CEP295NL: variants seen among roughly 807,000 people sequenced by gnomAD.
CEP295NL encodes protein DDC8 homolog.
CEP295NL carries 3 observed loss-of-function variants against 4.6 expected under a neutral mutation model. That is an observed-to-expected ratio of 0.65 (90% confidence interval 0.30 to 1.69). The LOEUF (loss-of-function observed/expected upper bound fraction) is 1.69. CEP295NL is among the 40% of genes most tolerant of loss of function. The pLI, the probability that CEP295NL is intolerant of heterozygous loss-of-function variation, is 0.10. For synonymous variants in CEP295NL, 295 were observed against 312.2 expected, an observed-to-expected ratio of 0.94 and a Z score of 0.58; for missense variants, 719 against 769.0, an observed-to-expected ratio of 0.93 and a Z score of 0.77.
intron 2 of CEP295NL, among the ~76,000 whole-genome samples, chr17:78,893,736 C>T (rs2069955496): frequency 6.6e-6 from 1 of 152,034 alleles, no homozygotes; most frequent in Non-Finnish European, 1.5e-5. Context: ...CTGGTGTTAG[C>T]TCTCTCTTCA....
At chr17:78,893,441 G>T (rs1416755517) in intron 2 of CEP295NL, among the ~76,000 whole-genome samples, 1 of 148,278 alleles carries the variant, frequency 6.7e-6, no homozygotes, top group African/African-American at 2.5e-5. Flanking sequence ...GGGTGTGTGC[G>T]TGGGGCTGTG....
chr17:78,902,070 C>T, intron 1 of CEP295NL, 144 bp from the exon 2 acceptor site: 1 of 505,706 alleles, frequency 2.0e-6, no homozygotes, highest in Non-Finnish European at 3.5e-6. Flanking sequence ...TTCTCCCCAA[C>T]TCTTAGCCAC....
rs1367541001 is a variant in CEP295NL at position 78,901,906 on chromosome 17, T to C, written c.-78A>G. 1 of 632,620 alleles carries C rather than the reference T, an allele frequency of 1.6e-6. No homozygotes were observed. The highest frequency in any genetic ancestry group is 2.7e-5 in the Admixed American group (1 of 37,034). The allele number at this position is 632,620 out of a possible 1,614,324, so 39.2% of individuals were successfully genotyped here. On this transcript the variant is annotated 5_prime_UTR_variant, in exon 2 of 3. Transcript: ENST00000322630. ...TCTTGAAATCACTGGGCTGACTTTG[T>C]AGGTAGTGAGACGCCCATCACTGGA... is the stretch of plus-strand genomic sequence containing the variant.
At chr17:78,898,844 T>A (rs1349639872) in intron 2 of CEP295NL, 1 of 152,242 alleles carries the variant, frequency 6.6e-6, no homozygotes, top group Non-Finnish European at 1.5e-5. Flanking sequence ...TTCATGCAAT[T>A]CTCTTGCCTC....
In CEP295NL at chr17:78,891,726, CA is replaced by C; in HGVS notation, c.777del (p.Val260TrpfsTer33). ...DLERSNPLVA[A>X]VGEIGLVEEK... is the part of the protein sequence containing the mutation. ...TCCTCCACAAGCCCGATTTCTCCCACAGCAGCCACGAGTGGGTTTGACCTTT... is the reference window on the plus strand; with the variant it reads ...TCCTCCACAAGCCCGATTTCTCCCACGCAGCCACGAGTGGGTTTGACCTTT... On this transcript the variant is annotated frameshift_variant, in exon 3 of 3. Coordinates refer to ENST00000322630, the MANE Select transcript of CEP295NL (RefSeq NM_001243540.2). LOFTEE classifies it low-confidence loss of function (END_TRUNC). The surrounding 1 kb of genome is among the most constrained non-coding windows in gnomAD (Gnocchi z 4.5). 1 of 1,551,232 alleles carries C rather than the reference CA, an allele frequency of 6.4e-7. No individual in the cohort carries two copies. The highest frequency in any genetic ancestry group is 8.7e-7 in the Non-Finnish European group (1 of 1,147,130).
At chr17:78,899,383 T>C (rs2070054241) in intron 2 of CEP295NL, 1 of 152,448 alleles carries the variant, frequency 6.6e-6, no homozygotes, top group Non-Finnish European at 1.5e-5. Context: ...CCCCATGTGA[T>C]TCCCTGCTGT....
intron 2 of CEP295NL, among the ~76,000 whole-genome samples, chr17:78,894,642 T>C (rs60013081): frequency 0.012 from 1,836 of 152,224 alleles, 29 homozygotes; most frequent in African/African-American, 0.042. Context: ...TCTCACCCTA[T>C]ATACAAAAAT....
In CEP295NL at chr17:78,891,157, T is replaced by G. The variant is rs2069886058; in HGVS notation, c.1347A>C (p.Thr449=). The change falls in exon 3 of 3, where the codon ACA becomes ACC. Residue 449 remains threonine, a synonymous_variant. Transcript: ENST00000322630. This position sits in a 1 kb window ranked among gnomAD's most constrained non-coding sequence, Gnocchi z 4.5. ...VKPTFRNGSQ[T]LSPEAGIFIN... Reference sequence around the variant, plus strand: ...TAAATATACCTGCCTCGGGAGACAATGTTTGACTTCCATTTCTAAACGTGG... The same window carrying G: ...TAAATATACCTGCCTCGGGAGACAAGGTTTGACTTCCATTTCTAAACGTGG... The G allele has an allele frequency of 1.9e-6, 3 of 1,550,576 alleles. No homozygotes were observed. Among genetic ancestry groups the G allele is most frequent in the South Asian group, 2.4e-5 (2 of 84,070 alleles).
intron 2 of CEP295NL, among the ~76,000 whole-genome samples, chr17:78,893,845 A>G (rs1437170205): frequency 1.3e-5 from 2 of 152,040 alleles, no homozygotes; most frequent in Non-Finnish European, 2.9e-5. Flanking sequence ...CCTTCCTAGG[A>G]AAGGAGGGGC....
intron 2 of CEP295NL, 133 bp downstream of exon 2, chr17:78,901,652 A>G (rs2070095220): frequency 1.4e-6 from 1 of 707,306 alleles, no homozygotes; most frequent in Non-Finnish European, 2.6e-6. Flanking sequence ...AGGCCAAGCG[A>G]CTTCACTCTG....
chr17:78,897,958 G>GCT (rs929928693), intron 2 of CEP295NL: 7 of 152,154 alleles, frequency 4.6e-5, no homozygotes, highest in African/African-American at 1.7e-4. Context: ...ATCACAGCTG[G>GCT]CTCCATCATT....
At chr17:78,897,149 G>T in intron 2 of CEP295NL, 1 of 245,016 alleles carries the variant, frequency 4.1e-6, no homozygotes, top group Non-Finnish European at 6.5e-6. Flanking sequence ...CTCCAGGCCT[G>T]CTGTGCACTC....
rs1198602595 is a variant in CEP295NL, at chr17:78,890,645, A to G, written c.1859T>C (p.Ile620Thr). 3.9e-6 allele frequency: 6 copies of G among 1,549,716 alleles called. No homozygotes were observed. The South Asian group carries it at 4.8e-5, about 12-fold the overall frequency. The part of the protein sequence containing the change: ...ARKCLREFQN[I>T]C ...CGGGTGGGCCTCTCGCATTTAGCAT[A>G]TGTTCTGAAACTCCCGCAAGCATTT... Residue 620 changes from isoleucine to threonine, a missense_variant, in exon 3 of 3, where the codon ATA becomes ACA. Transcript: ENST00000322630.
chr17:78,893,254 T>C (rs1304101777), intron 2 of CEP295NL, among the ~76,000 whole-genome samples: 1 of 141,602 alleles, frequency 7.1e-6, no homozygotes, highest in South Asian at 2.3e-4. Flanking sequence ...TAGGAGTGTG[T>C]GTGCAGGGGT....
In CEP295NL at chr17:78,896,879, T is replaced by C; in HGVS notation, c.45-4420A>G. On this transcript the variant is annotated intron_variant, in intron 2 of 2. Coordinates refer to ENST00000322630, the MANE Select transcript of CEP295NL (RefSeq NM_001243540.2). The surrounding 1 kb of genome is among the most constrained non-coding windows in gnomAD (Gnocchi z 4.4). ...CCATGGCAGCTCCACCCCAGACCGA[T>C]CCGATCCCAGCACCTGGGCCCAGGA... The C allele has an allele frequency of 1.0e-6, 1 of 979,148 alleles. No individual in the cohort carries two copies. The highest frequency in any genetic ancestry group is 1.8e-5 in the African/African-American group (1 of 57,096). 60.7% of individuals were successfully genotyped at this position (979,148 alleles called of 1,614,324 possible).
At position 78,892,115 on chromosome 17, in the gene CEP295NL, TCCAGG is replaced by T; in HGVS notation, c.384_388del (p.Leu129GlnfsTer19). 6.4e-7 allele frequency: 1 copy of T among 1,551,466 alleles called. No individual in the cohort carries two copies. Among genetic ancestry groups the T allele is most frequent in the Non-Finnish European group, 8.7e-7 (1 of 1,147,560 alleles). ...CAACAGACGTGCTGACTGCAGCCTGTCCAGGCCACCGACGTGCAGGTGCTGTGCCT... is the reference window on the plus strand; with the variant it reads ...CAACAGACGTGCTGACTGCAGCCTGTCCACCGACGTGCAGGTGCTGTGCCT... On this transcript the variant is annotated frameshift_variant, in exon 3 of 3. Coordinates refer to ENST00000322630, the MANE Select transcript of CEP295NL (RefSeq NM_001243540.2). LOFTEE classifies it low-confidence loss of function (END_TRUNC).
At chr17:78,898,876 T>G (rs577372622) in intron 2 of CEP295NL, 1 of 152,442 alleles carries the variant, frequency 6.6e-6, no homozygotes, top group East Asian at 1.9e-4. Flanking sequence ...TAGCTGGGAC[T>G]ATAGGCACGC....
intron 2 of CEP295NL, among the ~76,000 whole-genome samples, chr17:78,893,500 C>T (rs552800943): frequency 1.2e-3 from 164 of 140,866 alleles, no homozygotes; most frequent in Middle Eastern, 4.2e-3. Context: ...GGTGTGTGCG[C>T]GCAGGGGTGT....
At chr17:78,897,003 G>A in intron 2 of CEP295NL, 1 of 985,328 alleles carries the variant, frequency 1.0e-6, no homozygotes, top group African/African-American at 1.7e-5. Flanking sequence ...CCTTTCCCTG[G>A]GCGGCCGCTC....
Sources: allele counts gnomAD v4.1 joint callset (sites outside exome capture counted in the v4.1 genomes callset), GRCh38; gene constraint gnomAD v4.1.1; non-coding constraint Gnocchi (gnomAD v3.1); transcripts MANE v1.5; gene names NCBI Gene and HGNC (gene_info 2026-07-23, HGNC 2026-07-21).